The following NUP214 variants were observed in gnomAD, a reference collection of about 807,000 sequenced individuals.
The protein encoded by NUP214 is nucleoporin 214, also known as nuclear pore complex protein Nup214.
Under a neutral mutation model 196.2 loss-of-function variants are expected in NUP214, and 79 were observed. That is an observed-to-expected ratio of 0.40 (90% CI 0.34 to 0.49). The LOEUF (loss-of-function observed/expected upper bound fraction) is 0.49. Ranked by LOEUF, NUP214 falls within the 20% of genes least tolerant of loss-of-function variation. NUP214 has a pLI of 0.58. For missense variants in NUP214, 2,468 were observed against 2,539.0 expected (o/e 0.97, Z 0.60); for synonymous variants, 1,020 against 990.5 (o/e 1.03, Z -0.56).
At chr9:131,161,905 C>T (rs1395750995) in intron 18 of NUP214, among the ~76,000 whole-genome samples, 1 of 152,242 alleles carries the variant, frequency 6.6e-6, no homozygotes, top group Non-Finnish European at 1.5e-5. Context: ...TACCATACAG[C>T]AAGCTTGTCC....
intron 10 of NUP214, among the ~76,000 whole-genome samples, chr9:131,139,768 C>T (rs974320053): frequency 6.6e-6 from 1 of 152,088 alleles, no homozygotes; most frequent in Non-Finnish European, 1.5e-5. Context: ...AAGCAATACC[C>T]GAATCTGGTA....
At chr9:131,160,068 G>T (rs926854816) in intron 18 of NUP214, among the ~76,000 whole-genome samples, 2 of 151,952 alleles carry the variant, frequency 1.3e-5, no homozygotes, top group African/African-American at 4.8e-5. Flanking sequence ...AAATATGGTC[G>T]CTTTTTTTCT....
intron 29 of NUP214, 33 bp downstream of exon 29, chr9:131,199,048 C>A: frequency 6.5e-7 from 1 of 1,545,196 alleles, no homozygotes; most frequent in South Asian, 1.3e-5. Context: ...TACTTGTTTC[C>A]CTCTCTGCTA....
rs554654744 is a variant in NUP214, at chr9:131,192,020, A to G, written c.3575-188A>G. On this transcript the variant is annotated intron_variant, in intron 26 of 35. Transcript: ENST00000359428. Reference sequence around the variant, plus strand: ...ATTGACAGAGCCACGGAGCAATTTCAGAGACCTCAAACACAAGTGAGGCAA... The same window carrying G: ...ATTGACAGAGCCACGGAGCAATTTCGGAGACCTCAAACACAAGTGAGGCAA... The G allele has an allele frequency of 1.2e-4, 54 of 456,592 alleles. 1 individual carries two copies. The South Asian group carries it at 2.1e-3, about 18-fold the overall frequency. The allele number at this position is 456,592 out of a possible 1,614,324, so 28.3% of individuals were successfully genotyped here. A position where few individuals can be genotyped will look rare whatever the true frequency, so the allele number is the denominator to read the frequency against.
intron 28 of NUP214, among the ~76,000 whole-genome samples, chr9:131,196,968 T>A (rs1415443949): frequency 6.6e-6 from 1 of 152,174 alleles, no homozygotes; most frequent in Admixed American, 6.5e-5. Context: ...TCTAGATATT[T>A]TGTATTTGTT....
intron 11 of NUP214, among the ~76,000 whole-genome samples, chr9:131,143,002 G>GA (rs1311852557): frequency 4.6e-5 from 7 of 151,516 alleles, no homozygotes; most frequent in South Asian, 2.1e-4. Context: ...TTGGAAAATA[G>GA]AAAAAAAAAT....
In NUP214 at chr9:131,139,299, C is replaced by T; in HGVS notation, c.1024C>T (p.Leu342=). The change falls in exon 10 of 36, where the codon CTA becomes TTA. Residue 342 remains leucine (L), a synonymous_variant. Coordinates refer to ENST00000359428, the MANE Select transcript of NUP214 (RefSeq NM_005085.4). ...TTTTTAGATTAATTGGGAATCTTGG[C>T]TACTGGAGGATTCTAGTCGAGCTGA... ...QSDQINWESW[L]LEDSSRAELP... 8.2e-7 allele frequency: 1 copy of T among 1,216,048 alleles called. No homozygotes were observed. 75.3% of individuals were successfully genotyped at this position (1,216,048 alleles called of 1,614,324 possible).
At chr9:131,215,403 C>G (rs1834363915) in intron 31 of NUP214, 35 bp downstream of exon 31, 1 of 1,489,658 alleles carries the variant, frequency 6.7e-7, no homozygotes, top group Non-Finnish European at 8.9e-7. Flanking sequence ...TCCCTTGGTC[C>G]CCTAATGCCA....
Position 131,129,515 on chromosome 9 carries a change from A to G in NUP214, c.592+38A>G, listed in dbSNP as rs767459119. The stretch of plus-strand genomic sequence containing the variant: ...GGCTTTCACACTGTAGCATACAATC[A>G]TGGTCATCTACTTAAGAATTGATTT... On this transcript the variant is annotated intron_variant, in intron 4 of 35. Transcript: ENST00000359428. The G allele has an allele frequency of 2.2e-5, 35 of 1,573,850 alleles. No individual in the cohort carries two copies. In the South Asian group the frequency reaches 3.9e-4, roughly 18 times the overall value.
At chr9:131,195,096 G>T in intron 27 of NUP214, 137 bp from the exon 28 acceptor site, 1 of 632,534 alleles carries the variant, frequency 1.6e-6, no homozygotes, top group South Asian at 2.0e-5. Context: ...TAGGTGCTTT[G>T]ACTCTGTTGT....
At chr9:131,229,609 G>T (rs942775529) in intron 33 of NUP214, 14 of 440,448 alleles carry the variant, frequency 3.2e-5, no homozygotes, top group Non-Finnish European at 6.1e-5. Flanking sequence ...CCTAAAAAAG[G>T]TTAATGCCAG....
chr9:131,184,608 T>G (rs1833398211), intron 24 of NUP214, among the ~76,000 whole-genome samples: 1 of 152,064 alleles, frequency 6.6e-6, no homozygotes, highest in South Asian at 2.1e-4. Context: ...AGTGCTGGGA[T>G]TACAGGCGTG....
intron 22 of NUP214, 117 bp downstream of exon 22, chr9:131,174,435 TTTTTTTTTTTTCTTTTTTTC>T (rs1457522331): frequency 1.2e-5 from 10 of 808,952 alleles, no homozygotes; most frequent in African/African-American, 1.2e-4. Context: ...CAGCCCACTT[TTTTTTTTTTTTCTTTTTTTC>T]TTTTTTTTTT....
intron 17 of NUP214, among the ~76,000 whole-genome samples, chr9:131,152,381 A>C (rs1206220474): frequency 1.3e-5 from 2 of 152,202 alleles, no homozygotes; most frequent in Admixed American, 1.3e-4. Flanking sequence ...TTGGCCTCCC[A>C]AAGTGCTGGA....
intron 30 of NUP214, among the ~76,000 whole-genome samples, chr9:131,205,793 C>T (rs1433856688): frequency 6.6e-6 from 1 of 152,088 alleles, no homozygotes; most frequent in Non-Finnish European, 1.5e-5. Flanking sequence ...CTGCTGGATT[C>T]AACCTCAGCC....
Position 131,223,711 on chromosome 9 carries a change from T to TTATTTA in NUP214, c.5902+782_5902+783insATTTAT, listed in dbSNP as rs1554742593. Among the ~76,000 whole-genome samples, 38 of 27,154 alleles carry TTATTTA rather than the reference T, an allele frequency of 1.4e-3. No homozygotes were observed. The South Asian group carries it at 0.015, about 11-fold the overall frequency. The allele number at this position is 27,154 out of a possible 152,430, so 17.8% of individuals were successfully genotyped here. ...CTTTCGCAAATCACTTTTTTTTTAT[T>TTATTTA]TTTATTTATTTATTTATTTTTTTTT... On this transcript the variant is annotated intron_variant, in intron 32 of 35. Coordinates refer to ENST00000359428, the MANE Select transcript of NUP214 (RefSeq NM_005085.4).
chr9:131,192,019 C>CA, intron 26 of NUP214, 189 bp from the exon 27 acceptor site: 1 of 455,534 alleles, frequency 2.2e-6, no homozygotes, highest in South Asian at 4.5e-5. Context: ...GGAGCAATTT[C>CA]AGAGACCTCA....
In NUP214 at chr9:131,169,039, T is replaced by TG. The variant is rs1445556127; in HGVS notation, c.2893+4895_2893+4896insG. On this transcript the variant is annotated intron_variant, in intron 21 of 35. Coordinates refer to ENST00000359428, the MANE Select transcript of NUP214 (RefSeq NM_005085.4). ...TGCTTACTTTGTTTTTTTTTGTTTT[T>TG]TTTTTTTTTTTGGAGACAGAATCTC... 2.5e-4 allele frequency among the ~76,000 whole-genome samples: 37 copies of TG among 147,158 alleles called. 1 individual carries two copies. Among genetic ancestry groups the TG allele is most frequent in the African/African-American group, 8.2e-4 (33 of 40,030 alleles).
rs567792630 is a variant in NUP214 at position 131,152,400 on chromosome 9, C to A, written c.2436+506C>A. ...CCTCCCAAAGTGCTGGAATTACACGCGTGACTGGCCAAAATTTTTTATTAA... is the reference window on the plus strand; with the variant it reads ...CCTCCCAAAGTGCTGGAATTACACGAGTGACTGGCCAAAATTTTTTATTAA... On this transcript the variant is annotated intron_variant, in intron 17 of 35. Transcript: ENST00000359428. 5.7e-4 allele frequency among the ~76,000 whole-genome samples: 86 copies of A among 151,998 alleles called. 1 individual carries two copies. The highest frequency in any genetic ancestry group is 1.6e-3 in the African/African-American group (68 of 41,460).
Sources: gnomAD v4.1 joint callset for allele counts (sites outside exome capture counted in the v4.1 genomes callset) on GRCh38, gnomAD v4.1.1 for gene constraint, MANE v1.5 for transcripts, NCBI Gene and HGNC (gene_info 2026-07-23, HGNC 2026-07-21) for gene names.